Variants in COIL observed in about 807,000 individuals in gnomAD.
COIL encodes the protein coilin p80.
COIL carries 28 observed loss-of-function variants against 51.6 expected under a neutral mutation model. The ratio of observed to expected loss-of-function variants is 0.54; its 90% CI spans 0.40 to 0.74. The LOEUF (loss-of-function observed/expected upper bound fraction) is 0.74. Ranked by LOEUF, COIL falls within the 30% of genes least tolerant of loss-of-function variation. The probability of loss-of-function intolerance (pLI) is 0.00; values close to 1 mark genes in which losing one functional copy is unlikely to be tolerated. For missense variants in COIL, 667 were observed against 685.9 expected, an observed-to-expected ratio of 0.97 and a Z score of 0.31; for synonymous variants, 233 against 255.8, an observed-to-expected ratio of 0.91 and a Z score of 0.85.
intron 6 of COIL, among the ~76,000 whole-genome samples, chr17:56,939,663 C>A (rs1430944303): frequency 6.6e-6 from 1 of 152,042 alleles, no homozygotes; most frequent in African/African-American, 2.4e-5. Flanking sequence ...TCGCTTGAAC[C>A]CAGTAGGTGG....
chr17:56,945,335 CA>C (rs368251023), intron 5 of COIL, among the ~76,000 whole-genome samples: 15 of 145,310 alleles, frequency 1.0e-4, no homozygotes, highest in Non-Finnish European at 1.1e-4. Flanking sequence ...GAGACTCTGT[CA>C]AAAAAAAAAG....
chr17:56,952,251 C>T (rs1281964233), intron 1 of COIL: 5 of 491,148 alleles, frequency 1.0e-5, no homozygotes, highest in South Asian at 1.5e-5. Context: ...TCAGATTTGA[C>T]GTGCAACTCA....
At chr17:56,957,909 G>C (rs1175115645) in intron 1 of COIL, among the ~76,000 whole-genome samples, 1 of 152,208 alleles carries the variant, frequency 6.6e-6, no homozygotes, top group East Asian at 1.9e-4. Context: ...GGGCTTAAGA[G>C]AATGGGCTAT....
At chr17:56,952,128 TATAATGATG>T (rs1446598990) in intron 1 of COIL, 77 of 448,004 alleles carry the variant, frequency 1.7e-4, no homozygotes, top group African/African-American at 1.5e-3. Context: ...AGTTTCTAAC[TATAATGATG>T]AAGCATGGTT....
At chr17:56,957,078 T>G (rs1295896754) in intron 1 of COIL, among the ~76,000 whole-genome samples, 9 of 152,036 alleles carry the variant, frequency 5.9e-5, no homozygotes, top group Non-Finnish European at 1.2e-4. Context: ...GAGACCAGCC[T>G]GGGCAACTTA....
At chr17:56,945,020 TAAAC>T (rs56914949) in intron 5 of COIL, among the ~76,000 whole-genome samples, 7,823 of 139,268 alleles carry the variant, frequency 0.056, 609 homozygotes, top group African/African-American at 0.18. Context: ...GTCTCAAAAA[TAAAC>T]AAACAAACAA....
At chr17:56,956,111 C>T (rs1186181908) in intron 1 of COIL, among the ~76,000 whole-genome samples, 1 of 152,172 alleles carries the variant, frequency 6.6e-6, no homozygotes, top group East Asian at 1.9e-4. Flanking sequence ...ATACCCCAAA[C>T]TTAACCAAGG....
chr17:56,959,617 C>T (rs1238966643), intron 1 of COIL, among the ~76,000 whole-genome samples: 1 of 152,182 alleles, frequency 6.6e-6, no homozygotes, highest in African/African-American at 2.4e-5. Context: ...AATGATACGC[C>T]ACCAGAAGTC....
At chr17:56,943,411 CAG>C (rs1910184515) in intron 5 of COIL, among the ~76,000 whole-genome samples, 1 of 152,234 alleles carries the variant, frequency 6.6e-6, no homozygotes, top group South Asian at 2.1e-4. Context: ...ATTTCTTCTA[CAG>C]ACTCTCCTTA....
Position 56,938,584 on chromosome 17 carries a change from TC to T in COIL, c.*486del, listed in dbSNP as rs1215027703. 6.6e-6 allele frequency: 1 copy of T among 152,508 alleles called. No homozygotes were observed. The highest frequency in any genetic ancestry group is 1.9e-4 in the East Asian group (1 of 5,204). 9.4% of individuals were successfully genotyped at this position (152,508 alleles called of 1,614,324 possible). On this transcript the variant is annotated 3_prime_UTR_variant, in exon 7 of 7. Coordinates refer to ENST00000240316, the MANE Select transcript of COIL (RefSeq NM_004645.3). ...GCGACAAATCCAACTACCTGTTAAC[TC>T]TTAACAATTGCAAGTATAAAATACT... is the stretch of plus-strand genomic sequence containing the variant.
At chr17:56,960,011 G>C (rs1316376947) in intron 1 of COIL, among the ~76,000 whole-genome samples, 1 of 151,886 alleles carries the variant, frequency 6.6e-6, no homozygotes, top group Non-Finnish European at 1.5e-5. Flanking sequence ...AGGAGTTCAA[G>C]ACCAGCCTGG....
intron 1 of COIL, among the ~76,000 whole-genome samples, chr17:56,956,930 G>C (rs899136971): frequency 6.6e-6 from 1 of 152,192 alleles, no homozygotes; most frequent in Non-Finnish European, 1.5e-5. Context: ...AAAAGGGTCA[G>C]GGAAGACAGA....
Position 56,960,815 on chromosome 17 carries a change from C to G in COIL, c.205G>C (p.Ala69Pro), listed in dbSNP as rs1250018678. 3 of 1,585,238 alleles carry G rather than the reference C, an allele frequency of 1.9e-6. No homozygotes were observed. The highest frequency in any genetic ancestry group is 2.3e-5 in the East Asian group (1 of 42,792). ...LYLEGGLLPP[A>P]ESARLVRDND... The stretch of plus-strand genomic sequence containing the variant: ...TCTCTCACAAGGCGCGCGCTCTCGG[C>G]GGGGGGCAAGAGCCCCCCCTCCAGG... Residue 69 changes from alanine to proline, a missense_variant, in exon 1 of 7, where the codon GCC becomes CCC. By Grantham distance (27) the Ala-to-Pro change is conservative. Coordinates refer to ENST00000240316, the MANE Select transcript of COIL (RefSeq NM_004645.3).
intron 4 of COIL, among the ~76,000 whole-genome samples, chr17:56,946,975 C>G (rs1311687323): frequency 6.6e-6 from 1 of 152,178 alleles, no homozygotes; most frequent in Non-Finnish European, 1.5e-5. Flanking sequence ...GTGATCACAA[C>G]CCCCCAGGAG....
At chr17:56,940,535 T>TA (rs1297485735) in intron 6 of COIL, among the ~76,000 whole-genome samples, 3 of 152,072 alleles carry the variant, frequency 2.0e-5, no homozygotes, top group African/African-American at 7.2e-5. Flanking sequence ...AATAAAGAAA[T>TA]ACAGGAGACC....
At chr17:56,953,208 G>C (rs7225929) in intron 1 of COIL, among the ~76,000 whole-genome samples, 24 of 150,788 alleles carry the variant, frequency 1.6e-4, no homozygotes, top group African/African-American at 4.2e-4. Flanking sequence ...TCAGGAGATC[G>C]AGACCATCCT....
chr17:56,957,535 T>C (rs1279637125), intron 1 of COIL, among the ~76,000 whole-genome samples: 1 of 150,158 alleles, frequency 6.7e-6, no homozygotes, highest in African/African-American at 2.5e-5. Flanking sequence ...GGCAGGAGAA[T>C]CGCTTGAACC....
chr17:56,941,130 C>CT lies in COIL; in HGVS notation c.1647+904dup, dbSNP rs1910138434. The CT allele has an allele frequency of 3.4e-5, 4 of 116,572 alleles. No individual in the cohort carries two copies. The Admixed American group carries it at 4.2e-4, about 12-fold the overall frequency. The allele number at this position is 116,572 out of a possible 1,614,324, so 7.2% of individuals were successfully genotyped here. A position where few individuals can be genotyped will look rare whatever the true frequency, so the allele number is the denominator to read the frequency against. On this transcript the variant is annotated intron_variant, in intron 6 of 6. Coordinates refer to ENST00000240316, the MANE Select transcript of COIL (RefSeq NM_004645.3). ...CCAGCCTGGGTGACAGAGCTAGACT[C>CT]TGTCTCAAAAAAAAAAAAAAAAAAA...
chr17:56,946,053 G>A (rs1910243435), intron 5 of COIL, among the ~76,000 whole-genome samples: 1 of 152,124 alleles, frequency 6.6e-6, no homozygotes. Context: ...GCAAAAATTT[G>A]CAAGGCAATC....
Sources: allele counts gnomAD v4.1 joint callset (sites outside exome capture counted in the v4.1 genomes callset), GRCh38; gene constraint gnomAD v4.1.1; transcripts MANE v1.5; gene names NCBI Gene and HGNC (gene_info 2026-07-23, HGNC 2026-07-21).